Variants in COL19A1 observed in about 807,000 individuals in gnomAD.
The protein encoded by COL19A1 is collagen type XIX alpha 1 chain.
Under a neutral mutation model 190.2 loss-of-function variants are expected in COL19A1, and 159 were observed. That is an observed-to-expected ratio of 0.84 (90% CI 0.73 to 0.95). The LOEUF (loss-of-function observed/expected upper bound fraction) is 0.95. COL19A1 is among the 40% of genes least tolerant of loss of function. The pLI is 0.00. For missense variants in COL19A1, 1,418 were observed against 1,431.9 expected (o/e 0.99, Z 0.16); for synonymous variants, 509 against 458.9 (o/e 1.11, Z -1.39).
intron 15 of COL19A1, among the ~76,000 whole-genome samples, chr6:70,076,592 C>CT (rs1409996154): frequency 1.3e-5 from 2 of 152,220 alleles, no homozygotes; most frequent in East Asian, 3.9e-4. Context: ...CAGAACTGCT[C>CT]TTTTTTTCTC....
chr6:70,157,357 AT>A (rs1562229166), intron 34 of COL19A1, among the ~76,000 whole-genome samples: 1 of 152,074 alleles, frequency 6.6e-6, no homozygotes, highest in African/African-American at 2.4e-5. Flanking sequence ...TCAGGACATC[AT>A]TTTTTTCTTA....
At position 70,146,672 on chromosome 6, in the gene COL19A1, A is replaced by C. The variant is rs753905970; in HGVS notation, c.1784A>C (p.Asn595Thr). Reference protein sequence around the residue: ...SLPGEPGLDGNPGAPGPRGPK... With the variant: ...SLPGEPGLDGTPGAPGPRGPK... ...TTTTTCTTTTAGGGATTAGATGGAA[A>C]TCCTGGAGCACCTGGTCCACGTGGG... The change falls in exon 26 of 51, where the codon AAT (asparagine) becomes ACT (threonine). Residue 595 changes from asparagine to threonine, a missense_variant. Asn to Thr is a moderately conservative substitution (Grantham distance 65, BLOSUM62 0). Coordinates refer to ENST00000620364, the MANE Select transcript of COL19A1 (RefSeq NM_001858.6). The C allele has an allele frequency of 8.7e-6, 14 of 1,607,364 alleles. No individual in the cohort carries two copies. The highest frequency in any genetic ancestry group is 1.7e-5 in the Admixed American group (1 of 59,120).
intron 15 of COL19A1, among the ~76,000 whole-genome samples, chr6:70,084,442 T>C (rs1782463501): frequency 6.6e-6 from 1 of 152,170 alleles, no homozygotes; most frequent in Non-Finnish European, 1.5e-5. Flanking sequence ...ACTTAGTGGG[T>C]GACAATCAGA....
rs572235516 is a variant in COL19A1, at chr6:69,924,329, G to A, written c.267-3580G>A. The stretch of plus-strand genomic sequence containing the variant: ...CAAGTGTTCTCATTGTTCAATTCCC[G>A]CCTATGAGTGAGAATATGCAGTGTT... On this transcript the variant is annotated intron_variant, in intron 4 of 50. Transcript: ENST00000620364. Among the ~76,000 whole-genome samples the A allele has an allele frequency of 4.0e-5, 6 of 148,164 alleles. 1 individual carries two copies. Among genetic ancestry groups the A allele is most frequent in the African/African-American group, 1.2e-4 (5 of 40,108 alleles).
At chr6:70,203,434 C>T (rs541407054) in intron 49 of COL19A1, among the ~76,000 whole-genome samples, 1 of 152,130 alleles carries the variant, frequency 6.6e-6, no homozygotes, top group East Asian at 1.9e-4. Flanking sequence ...AATTTAGTAG[C>T]ATTAGGGGCA....
chr6:69,994,750 A>G (rs544406023), intron 11 of COL19A1, among the ~76,000 whole-genome samples: 1 of 152,182 alleles, frequency 6.6e-6, no homozygotes, highest in South Asian at 2.1e-4. Context: ...CCATCACTGT[A>G]TTTTACCCCA....
At chr6:69,973,635 G>T in intron 11 of COL19A1, among the ~76,000 whole-genome samples, 1 of 31,124 alleles carries the variant, frequency 3.2e-5, no homozygotes, top group Non-Finnish European at 9.3e-5. Context: ...AAGAAAAACA[G>T]AATAGATTTA....
intron 34 of COL19A1, among the ~76,000 whole-genome samples, chr6:70,157,476 C>A (rs1299148448): frequency 1.3e-5 from 2 of 151,950 alleles, no homozygotes; most frequent in African/African-American, 2.4e-5. Flanking sequence ...AGCCATCTGG[C>A]ATATATTAAC....
intron 18 of COL19A1, 52 bp downstream of exon 18, chr6:70,130,275 G>C (rs777857460): frequency 4.7e-6 from 7 of 1,475,114 alleles, no homozygotes; most frequent in African/African-American, 1.4e-5. Context: ...GCCCAGGCTG[G>C]AGTGCAGTGG....
chr6:69,952,649 CT>C (rs1278680018), intron 9 of COL19A1, among the ~76,000 whole-genome samples: 1 of 151,896 alleles, frequency 6.6e-6, no homozygotes, highest in East Asian at 1.9e-4. Context: ...TATGATGGGT[CT>C]TTTCACCATA....
At chr6:70,148,674 C>T (rs976078278) in intron 27 of COL19A1, among the ~76,000 whole-genome samples, 1 of 152,108 alleles carries the variant, frequency 6.6e-6, no homozygotes, top group East Asian at 1.9e-4. Context: ...CACCTGTAAT[C>T]CCAGCACTTT....
At chr6:70,182,432 G>A (rs1033670734) in intron 44 of COL19A1, among the ~76,000 whole-genome samples, 1 of 152,172 alleles carries the variant, frequency 6.6e-6, no homozygotes, top group Non-Finnish European at 1.5e-5. Flanking sequence ...GTATTCAGGT[G>A]GAGATGTCAA....
intron 11 of COL19A1, among the ~76,000 whole-genome samples, chr6:70,003,691 G>A (rs989898671): frequency 4.0e-5 from 6 of 151,624 alleles, no homozygotes; most frequent in Admixed American, 3.9e-4. Flanking sequence ...GACTAGGATT[G>A]CAACCCTTTC....
At chr6:69,937,548 C>A (rs547585859) in intron 8 of COL19A1, among the ~76,000 whole-genome samples, 2 of 152,170 alleles carry the variant, frequency 1.3e-5, no homozygotes, top group African/African-American at 4.8e-5. Context: ...TGGCTTTTTC[C>A]AGTGCCCATA....
intron 11 of COL19A1, among the ~76,000 whole-genome samples, chr6:70,016,664 A>T (rs959436944): frequency 1.1e-4 from 16 of 152,204 alleles, no homozygotes; most frequent in African/African-American, 3.1e-4. Context: ...TCAATAATAC[A>T]TAAAGAACTT....
intron 14 of COL19A1, among the ~76,000 whole-genome samples, chr6:70,062,817 C>T (rs939915381): frequency 6.6e-6 from 1 of 151,892 alleles, no homozygotes; most frequent in Non-Finnish European, 1.5e-5. Context: ...CAAAAAAAGG[C>T]AGGGGTTGCA....
intron 12 of COL19A1, among the ~76,000 whole-genome samples, chr6:70,024,895 C>G (rs926005820): frequency 6.6e-6 from 1 of 152,144 alleles, no homozygotes; most frequent in Non-Finnish European, 1.5e-5. Flanking sequence ...TTACTCCTGT[C>G]ATTGGAGGCA....
chr6:69,871,569 C>G (rs539490005), intron 1 of COL19A1, among the ~76,000 whole-genome samples: 4 of 152,234 alleles, frequency 2.6e-5, no homozygotes, highest in South Asian at 4.1e-4. Flanking sequence ...TGTTCTCTTT[C>G]TATTTCCTCC....
At chr6:70,070,447 A>G (rs922894406) in intron 15 of COL19A1, among the ~76,000 whole-genome samples, 2 of 152,158 alleles carry the variant, frequency 1.3e-5, no homozygotes, top group Non-Finnish European at 2.9e-5. Context: ...AATAGAACTT[A>G]TAGACACTTT....
Sources: gnomAD v4.1 joint callset for allele counts (sites outside exome capture counted in the v4.1 genomes callset) on GRCh38, gnomAD v4.1.1 for gene constraint, MANE v1.5 for transcripts, NCBI Gene and HGNC (gene_info 2026-07-23, HGNC 2026-07-21) for gene names.